Variants in STX7 observed in about 807,000 individuals in gnomAD.
STX7 encodes the protein syntaxin-7.
In STX7, 34 loss-of-function variants were observed where a neutral mutation model predicts 39.6. The observed-to-expected ratio is 0.86, with a 90% CI of 0.65 to 1.14. The LOEUF (loss-of-function observed/expected upper bound fraction) is 1.14. Ranked by LOEUF, STX7 falls within the 50% of genes most tolerant of loss-of-function variation. STX7 has a pLI of 0.00. For missense variants in STX7, 284 were observed against 310.4 expected (o/e 0.92, Z 0.64); for synonymous variants, 119 against 99.1 (o/e 1.20, Z -1.19).
chr6:132,470,132 T>A, intron 6 of STX7, 85 bp from the exon 7 acceptor site: 1 of 957,892 alleles, frequency 1.0e-6, no homozygotes, highest in South Asian at 2.0e-5. Context: ...ATATATTCAT[T>A]AAATAGGATA....
At chr6:132,512,092 G>C (rs1411504012) in intron 1 of STX7, among the ~76,000 whole-genome samples, 1 of 152,116 alleles carries the variant, frequency 6.6e-6, no homozygotes, top group Non-Finnish European at 1.5e-5. Context: ...ATCAGCCTCT[G>C]CCCAGGTGTG....
Position 132,471,554 on chromosome 6 carries a change from G to T in STX7, c.296C>A (p.Thr99Lys). The change falls in exon 5 of 10, where the codon ACA becomes AAA. Residue 99 changes from threonine to lysine, a missense_variant. Transcript: ENST00000367941. ...QKDRLVAEFT[T>K]SLTNFQKVQR... ...GACCTTCTGGAAGTTTGTCAGTGAT[G>T]TTGTGAACTCTGCCACTAAGCGATC... 1 of 1,613,976 alleles carries T rather than the reference G, an allele frequency of 6.2e-7. No homozygotes were observed. Among genetic ancestry groups the T allele is most frequent in the Non-Finnish European group, 8.5e-7 (1 of 1,179,906 alleles).
chr6:132,481,742 C>A (rs2788934), intron 2 of STX7, among the ~76,000 whole-genome samples: 150,159 of 152,136 alleles, frequency 0.99, 74,115 homozygotes, highest in Middle Eastern at 1. Context: ...GACAAAAAAA[C>A]CCCAAAAGTA....
At position 132,454,638 on chromosome 6, in the gene STX7, T is replaced by G. The variant is rs1016952280; in HGVS notation, c.*6120A>C. 2.6e-5 allele frequency: 4 copies of G among 152,196 alleles called. No individual in the cohort carries two copies. Among genetic ancestry groups the G allele is most frequent in the Non-Finnish European group, 5.9e-5 (4 of 68,010 alleles). 9.4% of individuals were successfully genotyped at this position (152,196 alleles called of 1,614,324 possible). On this transcript the variant is annotated 3_prime_UTR_variant, in exon 10 of 10. Coordinates refer to ENST00000367941, the MANE Select transcript of STX7 (RefSeq NM_003569.3). Reference sequence around the variant, plus strand: ...TTGGTCACATACTCCATTCTAGATTTAAAGAAAATTTAAAACAACATAGAA... The same window carrying G: ...TTGGTCACATACTCCATTCTAGATTGAAAGAAAATTTAAAACAACATAGAA...
At chr6:132,489,177 G>C (rs972547801) in intron 2 of STX7, among the ~76,000 whole-genome samples, 4 of 144,346 alleles carry the variant, frequency 2.8e-5, no homozygotes, top group African/African-American at 1.1e-4. Context: ...CTCCAGCCTG[G>C]GCAACAGAGT....
intron 2 of STX7, among the ~76,000 whole-genome samples, chr6:132,490,056 T>TCA (rs1261364092): frequency 6.6e-6 from 1 of 152,242 alleles, no homozygotes; most frequent in Non-Finnish European, 1.5e-5. Context: ...ATGGATCTGC[T>TCA]CAGTTTACCT....
intron 2 of STX7, among the ~76,000 whole-genome samples, chr6:132,493,286 T>C (rs949906344): frequency 9.2e-5 from 14 of 152,144 alleles, no homozygotes; most frequent in African/African-American, 2.7e-4. Flanking sequence ...CAATTAACAA[T>C]TGCTTTAAGA....
rs1233367876 is a variant in STX7 at position 132,446,851 on chromosome 6, C to T, written c.*13907G>A. The T allele has an allele frequency of 6.6e-6, 1 of 152,056 alleles. No homozygotes were observed. The highest frequency in any genetic ancestry group is 2.4e-5 in the African/African-American group (1 of 41,386). The allele number at this position is 152,056 out of a possible 1,614,324, so 9.4% of individuals were successfully genotyped here. On this transcript the variant is annotated 3_prime_UTR_variant, in exon 10 of 10. Coordinates refer to ENST00000367941, the MANE Select transcript of STX7 (RefSeq NM_003569.3). ...CTGAGGCAAAAAGAATGCTATTAGGCTGACTGATTTATGTAAAGCAGTGCC... is the reference window on the plus strand; with the variant it reads ...CTGAGGCAAAAAGAATGCTATTAGGTTGACTGATTTATGTAAAGCAGTGCC...
At chr6:132,468,325 T>A in intron 8 of STX7, 78 bp downstream of exon 8, 2 of 1,118,764 alleles carry the variant, frequency 1.8e-6, no homozygotes, top group Admixed American at 3.9e-5. Flanking sequence ...AAGTGGTTAC[T>A]CTTCTGTGAG....
chr6:132,476,935 C>T (rs897184587), intron 2 of STX7, among the ~76,000 whole-genome samples: 1 of 152,080 alleles, frequency 6.6e-6, no homozygotes, highest in Non-Finnish European at 1.5e-5. Flanking sequence ...CTAACCCCCT[C>T]ATTCTTTTTA....
chr6:132,507,692 C>A (rs915796558), intron 1 of STX7, among the ~76,000 whole-genome samples: 17 of 152,012 alleles, frequency 1.1e-4, no homozygotes, highest in African/African-American at 4.1e-4. Flanking sequence ...AAATAATATT[C>A]CAAGGTATGG....
chr6:132,465,782 T>C (rs1435881267), intron 8 of STX7, among the ~76,000 whole-genome samples: 1 of 152,192 alleles, frequency 6.6e-6, no homozygotes, highest in Non-Finnish European at 1.5e-5. Flanking sequence ...CTGACAACTT[T>C]CTTGTTGCCA....
rs12199661 is a variant in STX7 at position 132,449,255 on chromosome 6, T to A, written c.*11503A>T. On this transcript the variant is annotated 3_prime_UTR_variant, in exon 10 of 10. Transcript: ENST00000367941. The stretch of plus-strand genomic sequence containing the variant: ...CTCCCACTTGAGCCTCCCAAGTAGC[T>A]GGGACTACTGGTTCATGTCACCACA... The A allele has an allele frequency of 0.05, 7,608 of 152,220 alleles. 251 individuals carry two copies. Among genetic ancestry groups the A allele is most frequent in the Middle Eastern group, 0.096 (28 of 292 alleles). The allele number at this position is 152,220 out of a possible 1,614,324, so 9.4% of individuals were successfully genotyped here.
In STX7 at chr6:132,459,635, A is replaced by G. The variant is rs1200513825; in HGVS notation, c.*1123T>C. The G allele has an allele frequency of 6.6e-6, 1 of 152,230 alleles. No homozygotes were observed. Among genetic ancestry groups the G allele is most frequent in the East Asian group, 1.9e-4 (1 of 5,204 alleles). The allele number at this position is 152,230 out of a possible 1,614,324, so 9.4% of individuals were successfully genotyped here. On this transcript the variant is annotated 3_prime_UTR_variant, in exon 10 of 10. Transcript: ENST00000367941. ...ACACCGCCTTCAGTACCGAGCTGCT[A>G]TACAAGAACATTATAAAATACAAAG...
intron 2 of STX7, among the ~76,000 whole-genome samples, chr6:132,490,921 G>C (rs1368305572): frequency 6.6e-6 from 1 of 151,532 alleles, no homozygotes; most frequent in Non-Finnish European, 1.5e-5. Context: ...CCTACACCAG[G>C]CTAGGGGCTG....
In STX7 at chr6:132,469,979, T is replaced by C. The variant is rs758525798; in HGVS notation, c.509A>G (p.Glu170Gly). The C allele has an allele frequency of 1.2e-6, 2 of 1,601,252 alleles. No homozygotes were observed. The highest frequency in any genetic ancestry group is 1.7e-6 in the Non-Finnish European group (2 of 1,175,518). The part of the protein sequence containing the change: ...ITEDDLRLIH[E>G]RESSIRQLEA... ...AAGTTGCCTGATAGAAGATTCTCTC[T>C]CATGAATAAGACGGAGGTCATCCTC... Residue 170 changes from glutamate (E) to glycine (G), a missense_variant, in exon 7 of 10, where the codon GAG becomes GGG. Glu to Gly is a moderately conservative substitution (Grantham distance 98). Coordinates refer to ENST00000367941, the MANE Select transcript of STX7 (RefSeq NM_003569.3).
chr6:132,511,993 T>C (rs758786803), intron 1 of STX7, among the ~76,000 whole-genome samples: 9 of 152,186 alleles, frequency 5.9e-5, no homozygotes, highest in Non-Finnish European at 1.0e-4. Flanking sequence ...GTTAAGAGCA[T>C]AATTCTTAAC....
chr6:132,460,736 G>A lies in STX7; in HGVS notation c.*22C>T, dbSNP rs761033364. 15 of 1,529,264 alleles carry A rather than the reference G, an allele frequency of 9.8e-6. No individual in the cohort carries two copies. Among genetic ancestry groups the A allele is most frequent in the African/African-American group, 9.6e-5 (7 of 72,870 alleles). 94.7% of individuals were successfully genotyped at this position (1,529,264 alleles called of 1,614,324 possible). On this transcript the variant is annotated 3_prime_UTR_variant, in exon 10 of 10. Transcript: ENST00000367941. Reference sequence around the variant, plus strand: ...CTACATAATTTAGACAATGTAGTGCGACAGTGTGCTCCTTTATAACTTCAG... The same window carrying A: ...CTACATAATTTAGACAATGTAGTGCAACAGTGTGCTCCTTTATAACTTCAG...
At chr6:132,465,451 C>G (rs2114360433) in intron 8 of STX7, among the ~76,000 whole-genome samples, 1 of 152,296 alleles carries the variant, frequency 6.6e-6, no homozygotes, top group South Asian at 2.1e-4. Flanking sequence ...TCAGCTTACT[C>G]TCATCCTTAG....
Sources: gnomAD v4.1 joint callset for allele counts (sites outside exome capture counted in the v4.1 genomes callset) on GRCh38, gnomAD v4.1.1 for gene constraint, MANE v1.5 for transcripts, NCBI Gene and HGNC (gene_info 2026-07-23, HGNC 2026-07-21) for gene names.